FAM178B: variants seen among roughly 807,000 people sequenced by gnomAD.
FAM178B encodes the protein family with sequence similarity 178 member B, also known as protein FAM178B.
A neutral mutation model predicts 91.7 loss-of-function variants in FAM178B; 82 were observed. The ratio of observed to expected loss-of-function variants is 0.89; its 90% CI spans 0.75 to 1.07. The LOEUF (loss-of-function observed/expected upper bound fraction) is 1.07, where lower values mean the gene tolerates loss of function less well. Ranked by LOEUF, FAM178B falls within the 50% of genes least tolerant of loss-of-function variation. The pLI, the probability that FAM178B is intolerant of heterozygous loss-of-function variation, is 0.00. For synonymous variants in FAM178B, 368 were observed against 359.4 expected (o/e 1.02, Z -0.27); for missense variants, 769 against 846.7 (o/e 0.91, Z 1.14).
At chr2:96,951,774 G>C (rs1285015780) in intron 6 of FAM178B, 1 of 297,578 alleles carries the variant, frequency 3.4e-6, no homozygotes, top group African/African-American at 2.2e-5. Flanking sequence ...TGTAATCCCA[G>C]CACTTTGGGA....
chr2:96,881,818 G>C (rs1337121473), intron 14 of FAM178B, among the ~76,000 whole-genome samples: 1 of 152,112 alleles, frequency 6.6e-6, no homozygotes, highest in African/African-American at 2.4e-5. Context: ...GGCAGTCCTA[G>C]AGAAAAACCC....
chr2:96,909,281 C>T (rs1280773064), intron 12 of FAM178B, among the ~76,000 whole-genome samples: 1 of 152,188 alleles, frequency 6.6e-6, no homozygotes, highest in Non-Finnish European at 1.5e-5. Context: ...AGTGCAGTAT[C>T]TGCCAAGACA....
intron 1 of FAM178B, among the ~76,000 whole-genome samples, chr2:96,979,025 G>A (rs577244162): frequency 7.0e-6 from 1 of 141,918 alleles, no homozygotes; most frequent in African/African-American, 2.6e-5. Context: ...TTGCCAGGCT[G>A]GAGTGCAGTG....
intron 8 of FAM178B, among the ~76,000 whole-genome samples, chr2:96,939,786 G>A (rs578247499): frequency 1.3e-5 from 2 of 152,188 alleles, no homozygotes; most frequent in Admixed American, 1.3e-4. Context: ...CCTATAACAT[G>A]GGACAATAAT....
At chr2:96,888,871 A>G (rs775122901) in intron 14 of FAM178B, among the ~76,000 whole-genome samples, 46 of 151,956 alleles carry the variant, frequency 3.0e-4, no homozygotes, top group Middle Eastern at 3.4e-3. Flanking sequence ...GCATCACCCA[A>G]TCCCTGGAGC....
At chr2:96,921,137 G>A (rs2081331079) in intron 12 of FAM178B, 28 bp downstream of exon 12, 1 of 1,532,362 alleles carries the variant, frequency 6.5e-7, no homozygotes, top group South Asian at 1.2e-5. Flanking sequence ...GTGTGAGAGG[G>A]AGGAGGCAGC....
chr2:96,928,375 A>G (rs2081482429), intron 9 of FAM178B, among the ~76,000 whole-genome samples: 1 of 152,190 alleles, frequency 6.6e-6, no homozygotes. Context: ...CTAAGTCGCC[A>G]TCCGCCCACC....
intron 8 of FAM178B, among the ~76,000 whole-genome samples, chr2:96,942,889 C>A (rs1306349736): frequency 6.6e-6 from 1 of 152,058 alleles, no homozygotes; most frequent in Non-Finnish European, 1.5e-5. Context: ...CAACAGAATT[C>A]AATAGGGAAA....
intron 12 of FAM178B, among the ~76,000 whole-genome samples, chr2:96,903,058 G>T (rs1376197437): frequency 1.3e-5 from 2 of 151,778 alleles, no homozygotes; most frequent in African/African-American, 2.4e-5. Flanking sequence ...TATTTTTTTT[G>T]AGACGGAGTC....
At chr2:96,927,378 G>C (rs1483789856) in intron 9 of FAM178B, among the ~76,000 whole-genome samples, 3 of 152,186 alleles carry the variant, frequency 2.0e-5, no homozygotes, top group Non-Finnish European at 4.4e-5. Flanking sequence ...CCAGGTCCTC[G>C]AGGGTAGTTC....
chr2:96,901,485 C>T (rs909620146), intron 13 of FAM178B, among the ~76,000 whole-genome samples: 1 of 152,080 alleles, frequency 6.6e-6, no homozygotes, highest in Non-Finnish European at 1.5e-5. Flanking sequence ...AGAAGGCCGA[C>T]CTCTTAATGC....
intron 13 of FAM178B, among the ~76,000 whole-genome samples, chr2:96,900,925 C>G (rs989966651): frequency 6.6e-6 from 1 of 152,284 alleles, no homozygotes; most frequent in African/African-American, 2.4e-5. Flanking sequence ...TAGAGATGCA[C>G]AGCCTCTAGC....
chr2:96,882,991 C>T (rs1206562417), intron 14 of FAM178B, among the ~76,000 whole-genome samples: 19 of 152,362 alleles, frequency 1.2e-4, no homozygotes, highest in East Asian at 1.9e-4. Flanking sequence ...GCCGAGCTCC[C>T]GTTTTCTGGG....
At chr2:96,980,835 CT>C (rs1166829994) in intron 1 of FAM178B, among the ~76,000 whole-genome samples, 2 of 151,950 alleles carry the variant, frequency 1.3e-5, no homozygotes, top group Admixed American at 6.6e-5. Flanking sequence ...TAGACATCTT[CT>C]TTTGTAAAGT....
At chr2:96,894,980 TC>T in intron 13 of FAM178B, 1 of 1,182,066 alleles carries the variant, frequency 8.5e-7, no homozygotes, top group South Asian at 1.3e-5. Flanking sequence ...TGCATCCCTC[TC>T]TTTTGGTTTA....
At chr2:96,980,098 G>C (rs1406476863) in intron 1 of FAM178B, among the ~76,000 whole-genome samples, 1 of 152,114 alleles carries the variant, frequency 6.6e-6, no homozygotes, top group Non-Finnish European at 1.5e-5. Flanking sequence ...TTTTGAGACA[G>C]AGTCTCTCTC....
intron 8 of FAM178B, among the ~76,000 whole-genome samples, chr2:96,947,038 G>C (rs57537242): frequency 0.019 from 2,960 of 152,308 alleles, 106 homozygotes; most frequent in African/African-American, 0.067. Flanking sequence ...CTTGCTCTGG[G>C]GTGAGCAGCC....
chr2:96,972,520 C>T lies in FAM178B; in HGVS notation c.142+18G>A. Reference sequence around the variant, plus strand: ...AAACCTCAGTGGGGATTTACCTGTGCAGGTGAGAGACGCCTACCTTCTCTC... The same window carrying T: ...AAACCTCAGTGGGGATTTACCTGTGTAGGTGAGAGACGCCTACCTTCTCTC... On this transcript the variant is annotated intron_variant, in intron 2 of 16. Coordinates refer to ENST00000490605, the MANE Select transcript of FAM178B (RefSeq NM_001122646.3). 1.9e-6 allele frequency: 3 copies of T among 1,551,360 alleles called. No individual in the cohort carries two copies. Among genetic ancestry groups the T allele is most frequent in the South Asian group, 1.2e-5 (1 of 84,056 alleles).
Position 96,947,810 on chromosome 2 carries a change from G to C in FAM178B, c.1078+8C>G. On this transcript the variant is annotated splice_region_variant and intron_variant, in intron 8 of 16. Coordinates refer to ENST00000490605, the MANE Select transcript of FAM178B (RefSeq NM_001122646.3). ...GCGCCAATCTCCACCCTGCATCCCA[G>C]TACTGACCAGGCTGAAGGAAGATTC... The C allele has an allele frequency of 6.6e-7, 1 of 1,514,834 alleles. No homozygotes were observed. The highest frequency in any genetic ancestry group is 9.0e-7 in the Non-Finnish European group (1 of 1,113,962). 93.8% of individuals were successfully genotyped at this position (1,514,834 alleles called of 1,614,324 possible). A position where few individuals can be genotyped will look rare whatever the true frequency, so the allele number is the denominator to read the frequency against.
Sources: gnomAD v4.1 joint callset for allele counts (sites outside exome capture counted in the v4.1 genomes callset) on GRCh38, gnomAD v4.1.1 for gene constraint, MANE v1.5 for transcripts, NCBI Gene and HGNC (gene_info 2026-07-23, HGNC 2026-07-21) for gene names.